The following NPFFR2 variants were observed in gnomAD, a reference collection of about 807,000 sequenced individuals.
The protein encoded by NPFFR2 is G-protein coupled receptor 74.
Under a neutral mutation model 13.1 loss-of-function variants are expected in NPFFR2, and 15 were observed. The observed-to-expected ratio is 1.15, with a 90% confidence interval of 0.77 to 1.76. NPFFR2 has a LOEUF of 1.76. Ranked by LOEUF, NPFFR2 falls within the 40% of genes most tolerant of loss-of-function variation. The pLI is 0.00. For synonymous variants in NPFFR2, 190 were observed against 175.7 expected (o/e 1.08, Z -0.65); for missense variants, 572 against 503.5 (o/e 1.14, Z -1.30).
intron 3 of NPFFR2, among the ~76,000 whole-genome samples, chr4:72,142,552 G>A (rs535391875): frequency 6.6e-5 from 10 of 152,094 alleles, no homozygotes; most frequent in Admixed American, 2.6e-4. Context: ...GTTCCTATCC[G>A]GCCATTTTGG....
intron 1 of NPFFR2, among the ~76,000 whole-genome samples, chr4:72,105,904 C>G (rs1036632364): frequency 1.3e-5 from 2 of 152,014 alleles, no homozygotes; most frequent in Non-Finnish European, 2.9e-5. Context: ...ATAACACTAT[C>G]GAACTACCCT....
At chr4:72,103,544 A>G (rs1175290648) in intron 1 of NPFFR2, among the ~76,000 whole-genome samples, 1 of 152,144 alleles carries the variant, frequency 6.6e-6, no homozygotes, top group Non-Finnish European at 1.5e-5. Flanking sequence ...GCACAAACGA[A>G]TTAAGCCAAG....
intron 1 of NPFFR2, among the ~76,000 whole-genome samples, chr4:72,048,734 C>CTTTTT (rs5859297): frequency 1.3e-5 from 2 of 151,490 alleles, no homozygotes. Context: ...TGTGAAATAA[C>CTTTTT]TTATCTTTTT....
intron 1 of NPFFR2, among the ~76,000 whole-genome samples, chr4:72,107,852 G>A (rs966572038): frequency 1.3e-5 from 2 of 151,946 alleles, no homozygotes; most frequent in Non-Finnish European, 1.5e-5. Context: ...GTATGAAATA[G>A]ACTAAAATAT....
intron 1 of NPFFR2, among the ~76,000 whole-genome samples, chr4:72,054,247 A>G (rs539212598): frequency 6.6e-6 from 1 of 152,114 alleles, no homozygotes; most frequent in South Asian, 2.1e-4. Context: ...GCTGTAAACT[A>G]CAGTAATTGA....
intron 1 of NPFFR2, among the ~76,000 whole-genome samples, chr4:72,115,745 T>C (rs1483337788): frequency 1.3e-5 from 2 of 152,204 alleles, no homozygotes; most frequent in African/African-American, 2.4e-5. Flanking sequence ...TAACAGCCTT[T>C]TGTGTTCTGG....
chr4:72,068,851 T>C, intron 1 of NPFFR2: 1 of 299,890 alleles, frequency 3.3e-6, no homozygotes, highest in African/African-American at 3.8e-5. Context: ...TTTTTTTTTT[T>C]TTATCTTATC....
chr4:72,126,118 T>C (rs1285048547), intron 1 of NPFFR2, among the ~76,000 whole-genome samples: 1 of 152,270 alleles, frequency 6.6e-6, no homozygotes, highest in Non-Finnish European at 1.5e-5. Context: ...TGAATTCTCA[T>C]GCATTACATC....
chr4:72,093,836 G>C (rs939194522), intron 1 of NPFFR2, among the ~76,000 whole-genome samples: 3 of 84,216 alleles, frequency 3.6e-5, no homozygotes, highest in Non-Finnish European at 7.7e-5. Flanking sequence ...TTTTTTTTTT[G>C]TTAATTCAGA....
At position 72,124,047 on chromosome 4, in the gene NPFFR2, A is replaced by T. The variant is rs144822090; in HGVS notation, c.-7-4538A>T. 4.8e-3 allele frequency among the ~76,000 whole-genome samples: 736 copies of T among 152,368 alleles called. 2 individuals are homozygous for T. Among genetic ancestry groups the T allele is most frequent in the Middle Eastern group, 0.01 (3 of 294 alleles). On this transcript the variant is annotated intron_variant, in intron 1 of 3. Coordinates refer to ENST00000308744, the MANE Select transcript of NPFFR2 (RefSeq NM_004885.3). Reference sequence around the variant, plus strand: ...CTCAGCCCAAAATCTCCTTAAGCTGATAAGCAACTTCAGCAAAGTCTCAGG... The same window carrying T: ...CTCAGCCCAAAATCTCCTTAAGCTGTTAAGCAACTTCAGCAAAGTCTCAGG...
At chr4:72,138,517 T>C (rs1008883811) in intron 3 of NPFFR2, among the ~76,000 whole-genome samples, 4 of 151,316 alleles carry the variant, frequency 2.6e-5, no homozygotes, top group African/African-American at 9.7e-5. Context: ...TGGTGTTTGG[T>C]TTTCTGTCCT....
chr4:72,097,332 G>C (rs557572638), intron 1 of NPFFR2, among the ~76,000 whole-genome samples: 1 of 152,112 alleles, frequency 6.6e-6, no homozygotes, highest in African/African-American at 2.4e-5. Context: ...TTTTAAATAT[G>C]TCAGTGTTTT....
intron 1 of NPFFR2, among the ~76,000 whole-genome samples, chr4:72,036,614 A>G (rs997718338): frequency 4.7e-5 from 7 of 147,458 alleles, no homozygotes; most frequent in Non-Finnish European, 1.0e-4. Context: ...TTAAATATAT[A>G]GTATATATAT....
intron 1 of NPFFR2, among the ~76,000 whole-genome samples, chr4:72,033,921 G>A (rs1718985538): frequency 6.6e-6 from 1 of 152,106 alleles, no homozygotes; most frequent in Non-Finnish European, 1.5e-5. Flanking sequence ...GTGTGTGCAT[G>A]TGTGTGAGTG....
chr4:72,045,547 A>G (rs1447059848), intron 1 of NPFFR2, among the ~76,000 whole-genome samples: 1 of 152,204 alleles, frequency 6.6e-6, no homozygotes, highest in Non-Finnish European at 1.5e-5. Context: ...TAATAAACCC[A>G]TGGTTAAGTT....
At chr4:72,089,273 T>C (rs1417142864) in intron 1 of NPFFR2, among the ~76,000 whole-genome samples, 2 of 152,154 alleles carry the variant, frequency 1.3e-5, no homozygotes, top group African/African-American at 4.8e-5. Context: ...AATTGCGAGT[T>C]GTACTGCTAT....
chr4:72,044,490 A>G (rs1300472637), intron 1 of NPFFR2, among the ~76,000 whole-genome samples: 2 of 152,128 alleles, frequency 1.3e-5, no homozygotes, highest in Admixed American at 6.5e-5. Context: ...ACGTTTTTCT[A>G]CTTGATTATG....
rs61733659 is a variant in NPFFR2, at chr4:72,146,992, T to C, written c.443T>C (p.Val148Ala). 2,684 of 1,612,162 alleles carry C rather than the reference T, an allele frequency of 1.7e-3. 48 individuals are homozygous for C. In the African/African-American group the frequency reaches 0.031, roughly 18 times the overall value. The change falls in exon 4 of 4, where the codon GTC becomes GCC. Residue 148 changes from valine (V) to alanine (A), a missense_variant. Physicochemically the swap from Val to Ala is moderately conservative, Grantham distance 64. Transcript: ENST00000308744. ...TTTAATTGCAGGTTCCAGTGTGTGG[T>C]CTACCCTTTTAAACCAAAGCTCACT... ...AIAVDRFQCVVYPFKPKLTIK... is the reference protein window; with the variant it reads ...AIAVDRFQCVAYPFKPKLTIK...
intron 3 of NPFFR2, among the ~76,000 whole-genome samples, chr4:72,140,322 C>T (rs1722563517): frequency 6.6e-6 from 1 of 152,262 alleles, no homozygotes; most frequent in Middle Eastern, 3.4e-3. Flanking sequence ...GAGAGGTCGA[C>T]CCTGACTTGT....
Sources: allele counts gnomAD v4.1 joint callset (sites outside exome capture counted in the v4.1 genomes callset), GRCh38; gene constraint gnomAD v4.1.1; transcripts MANE v1.5; gene names NCBI Gene and HGNC (gene_info 2026-07-23, HGNC 2026-07-21).